The following PVT1 variants were observed in gnomAD, a reference collection of about 807,000 sequenced individuals.
PVT1 encodes Pvt1 oncogene, also known as CXCR4/PVT1 fusion.
intron 2 of PVT1, among the ~76,000 whole-genome samples, chr8:127,880,807 G>A (rs1304831761): frequency 6.6e-6 from 1 of 151,972 alleles, no homozygotes; most frequent in Non-Finnish European, 1.5e-5. Context: ...TGCCATGCTG[G>A]CCAGGCTGGT....
chr8:127,821,425 A>G (rs1814727568), intron 2 of PVT1, among the ~76,000 whole-genome samples: 1 of 152,214 alleles, frequency 6.6e-6, no homozygotes, highest in Non-Finnish European at 1.5e-5. Context: ...TGTTGAGATG[A>G]TAAGATTTCG....
intron 2 of PVT1, among the ~76,000 whole-genome samples, chr8:127,814,022 A>T (rs1322467332): frequency 6.6e-6 from 1 of 152,162 alleles, no homozygotes; most frequent in Non-Finnish European, 1.5e-5. Context: ...ATCTCAGGTG[A>T]TCCACCCGCC....
intron 5 of PVT1, among the ~76,000 whole-genome samples, chr8:128,087,747 C>CTTTTTTTTTTTTTTTTTTT (rs71568675): frequency 2.0e-4 from 15 of 76,588 alleles, no homozygotes; most frequent in African/African-American, 7.3e-4. Flanking sequence ...TGATGTGCTA[C>CTTTTTTTTTTTTTTTTTTT]TTTTTTTTTT....
chr8:128,058,289 C>A (rs139710962), intron 4 of PVT1, among the ~76,000 whole-genome samples: 2 of 152,080 alleles, frequency 1.3e-5, no homozygotes, highest in Admixed American at 1.3e-4. Context: ...TTTTATTTCA[C>A]GTCTTATTAT....
At chr8:127,987,708 G>A (rs1331882881) in intron 3 of PVT1, among the ~76,000 whole-genome samples, 1 of 152,206 alleles carries the variant, frequency 6.6e-6, no homozygotes, top group Non-Finnish European at 1.5e-5. Context: ...TAGTAGAACT[G>A]GGACACCAAC....
At chr8:127,834,323 G>T (rs1378310788) in intron 2 of PVT1, among the ~76,000 whole-genome samples, 2 of 152,100 alleles carry the variant, frequency 1.3e-5, no homozygotes, top group Non-Finnish European at 2.9e-5. Context: ...AATGGGGAAA[G>T]AATTCCCTAT....
At chr8:127,988,327 G>A (rs1434723424) in intron 3 of PVT1, among the ~76,000 whole-genome samples, 1 of 152,200 alleles carries the variant, frequency 6.6e-6, no homozygotes, top group Non-Finnish European at 1.5e-5. Flanking sequence ...GATGGTGGGG[G>A]GGCCTGAAAA....
chr8:128,067,312 T>G lies in PVT1; in HGVS notation n.913-2848T>G, dbSNP rs551723381. On this transcript the variant is annotated intron_variant and non_coding_transcript_variant, in intron 4 of 10. Coordinates refer to ENST00000651587, the Ensembl canonical transcript of PVT1. ...TAAAGAGTTGATTGGATTGGTGATG[T>G]GGGGCTAGAGAGTAGAAGGGGAAAA... is the stretch of plus-strand genomic sequence containing the variant. Among the ~76,000 whole-genome samples the G allele has an allele frequency of 3.3e-5, 5 of 152,258 alleles. No individual in the cohort carries two copies. In the South Asian group the frequency reaches 1.0e-3, roughly 32 times the overall value.
At chr8:127,893,394 A>AG (rs1170480332) in intron 3 of PVT1, among the ~76,000 whole-genome samples, 2 of 152,244 alleles carry the variant, frequency 1.3e-5, no homozygotes, top group Non-Finnish European at 2.9e-5. Flanking sequence ...CTTGTGCGTC[A>AG]GCCTCCCAAG....
At chr8:127,893,454 C>T (rs1025395138) in intron 3 of PVT1, among the ~76,000 whole-genome samples, 2 of 152,026 alleles carry the variant, frequency 1.3e-5, no homozygotes, top group African/African-American at 4.8e-5. Flanking sequence ...TTTTTGTTGG[C>T]CAGGCTGGTC....
At chr8:127,821,534 G>T (rs1392036703) in intron 2 of PVT1, among the ~76,000 whole-genome samples, 2 of 152,132 alleles carry the variant, frequency 1.3e-5, no homozygotes, top group African/African-American at 4.8e-5. Flanking sequence ...ATTACTGCCG[G>T]GTGCGGTGGC....
At chr8:128,013,866 AC>A (rs1325772999) in intron 4 of PVT1, among the ~76,000 whole-genome samples, 1 of 152,250 alleles carries the variant, frequency 6.6e-6, no homozygotes, top group African/African-American at 2.4e-5. Context: ...ACCAAAATGA[AC>A]AAAAAGTTAT....
In PVT1 at chr8:128,029,271, C is replaced by T. The variant is rs538158171; in HGVS notation, n.912+39980C>T. Among the ~76,000 whole-genome samples the T allele has an allele frequency of 5.3e-5, 8 of 151,310 alleles. No homozygotes were observed. In the South Asian group the frequency reaches 8.4e-4, roughly 16 times the overall value. On this transcript the variant is annotated intron_variant and non_coding_transcript_variant, in intron 4 of 10. Transcript: ENST00000651587. ...CCAAGTAGCTGGGACCACAGGTGCA[C>T]ACCACCACCCTCAGTTAATTTTTTG... is the stretch of plus-strand genomic sequence containing the variant.
intron 2 of PVT1, among the ~76,000 whole-genome samples, chr8:127,884,964 G>C (rs1041561024): frequency 2.6e-5 from 4 of 152,186 alleles, no homozygotes; most frequent in Non-Finnish European, 5.9e-5. Context: ...AACAAACTTG[G>C]CTTCAGACTT....
chr8:128,078,943 A>G (rs1462334912), intron 5 of PVT1, among the ~76,000 whole-genome samples: 4 of 150,650 alleles, frequency 2.7e-5, no homozygotes, highest in Non-Finnish European at 5.9e-5. Context: ...ACCAGCCACC[A>G]CACTTGGCTA....
At chr8:127,875,035 A>C (rs1284130518) in intron 2 of PVT1, among the ~76,000 whole-genome samples, 2 of 151,986 alleles carry the variant, frequency 1.3e-5, no homozygotes, top group Non-Finnish European at 2.9e-5. Context: ...GTGCCTGTGT[A>C]TTTAGAGTGG....
intron 4 of PVT1, among the ~76,000 whole-genome samples, chr8:128,049,642 C>G (rs1426532387): frequency 1.3e-5 from 2 of 152,208 alleles, no homozygotes; most frequent in East Asian, 1.9e-4. Flanking sequence ...CTGCCATGCT[C>G]TCTGGTATCA....
At chr8:128,070,164 A>G (rs1408282281) in exon 5 of PVT1, 3 of 152,176 alleles carry the variant, frequency 2.0e-5, no homozygotes, top group African/African-American at 7.2e-5. Context: ...TTTCAGAGCC[A>G]GTCTTGGTGC....
chr8:127,947,496 A>G (rs1419219231), intron 3 of PVT1: 6 of 347,482 alleles, frequency 1.7e-5, no homozygotes, highest in African/African-American at 6.4e-5. Flanking sequence ...GCCCATCCCA[A>G]TGCCAGGCAC....
Sources: gnomAD v4.1 joint callset for allele counts (sites outside exome capture counted in the v4.1 genomes callset) on GRCh38, gnomAD v4.1.1 for gene constraint, MANE v1.5 for transcripts, NCBI Gene and HGNC (gene_info 2026-07-23, HGNC 2026-07-21) for gene names.